RHOJ: variants seen among roughly 807,000 people sequenced by gnomAD.
RHOJ encodes ras homolog family member J, also known as rho-related GTP-binding protein RhoJ.
RHOJ carries 11 observed loss-of-function variants against 23.4 expected under a neutral mutation model. The ratio of observed to expected loss-of-function variants is 0.47; its 90% CI spans 0.30 to 0.78. The LOEUF (loss-of-function observed/expected upper bound fraction) is 0.78, where lower values mean the gene tolerates loss of function less well. Among genes scored for constraint, RHOJ ranks in the 30% least tolerant of loss-of-function variants. RHOJ has a pLI of 0.08. For synonymous variants in RHOJ, 102 were observed against 102.7 expected (o/e 0.99, Z 0.04); for missense variants, 254 against 273.4 (o/e 0.93, Z 0.50).
At chr14:63,287,804 G>A (rs1882127794) in intron 4 of RHOJ, among the ~76,000 whole-genome samples, 1 of 152,114 alleles carries the variant, frequency 6.6e-6, no homozygotes, top group Non-Finnish European at 1.5e-5. Context: ...TCTAAACAAG[G>A]AGGCTTGAAT....
At chr14:63,207,152 C>T (rs550508313) in intron 1 of RHOJ, among the ~76,000 whole-genome samples, 1 of 151,986 alleles carries the variant, frequency 6.6e-6, no homozygotes, top group Non-Finnish European at 1.5e-5. Context: ...CTGCCTCAGC[C>T]TCCTGAGTAG....
chr14:63,204,850 C>T lies in RHOJ; in HGVS notation c.-20C>T. ...GAGAAGCAATAGCAGCAGGAGTCCC[C>T]AGCAGCTGGAGCCGCAAGAATGAAC... On this transcript the variant is annotated 5_prime_UTR_variant, in exon 1 of 5. An upstream open reading frame in the 5' UTR gains an earlier in-frame stop. Coordinates refer to ENST00000316754, the MANE Select transcript of RHOJ (RefSeq NM_020663.5). 1 of 1,602,052 alleles carries T rather than the reference C, an allele frequency of 6.2e-7. No individual in the cohort carries two copies. The highest frequency in any genetic ancestry group is 1.1e-5 in the South Asian group (1 of 89,434).
At chr14:63,215,639 C>T (rs1015041023) in intron 1 of RHOJ, among the ~76,000 whole-genome samples, 4 of 152,146 alleles carry the variant, frequency 2.6e-5, no homozygotes, top group Non-Finnish European at 4.4e-5. Context: ...ACATGTCCAA[C>T]ATCACTCAGC....
At chr14:63,255,754 A>G (rs948743334) in intron 1 of RHOJ, among the ~76,000 whole-genome samples, 1 of 152,184 alleles carries the variant, frequency 6.6e-6, no homozygotes, top group African/African-American at 2.4e-5. Context: ...AGCCTTAAGA[A>G]GAGGCTCTGG....
chr14:63,237,072 C>T (rs1219122787), intron 1 of RHOJ, among the ~76,000 whole-genome samples: 1 of 151,988 alleles, frequency 6.6e-6, no homozygotes, highest in Admixed American at 6.6e-5. Flanking sequence ...ATTTTTGATC[C>T]TTGGTTGGTT....
chr14:63,279,378 G>A (rs1291466197), intron 2 of RHOJ, among the ~76,000 whole-genome samples: 3 of 152,164 alleles, frequency 2.0e-5, no homozygotes, highest in Non-Finnish European at 2.9e-5. Flanking sequence ...GTCATGTTGC[G>A]ATATGTGATG....
intron 1 of RHOJ, among the ~76,000 whole-genome samples, chr14:63,267,781 G>T (rs7141282): frequency 0.094 from 14,334 of 152,200 alleles, 917 homozygotes; most frequent in East Asian, 0.2. Flanking sequence ...GGAGCTGGGT[G>T]TACCATTTTA....
intron 1 of RHOJ, among the ~76,000 whole-genome samples, chr14:63,237,816 T>G (rs192862325): frequency 2.6e-5 from 4 of 151,604 alleles, no homozygotes; most frequent in African/African-American, 9.7e-5. Context: ...TCAGACTATC[T>G]CCATCACACC....
At chr14:63,233,697 A>G (rs1472804784) in intron 1 of RHOJ, among the ~76,000 whole-genome samples, 2 of 152,302 alleles carry the variant, frequency 1.3e-5, no homozygotes, top group South Asian at 4.2e-4. Context: ...TGTCATCTCC[A>G]TTCCTACTGT....
At chr14:63,284,720 C>G (rs1248425508) in intron 4 of RHOJ, among the ~76,000 whole-genome samples, 1 of 152,214 alleles carries the variant, frequency 6.6e-6, no homozygotes, top group African/African-American at 2.4e-5. Flanking sequence ...CCTTTCTACA[C>G]ATTTTTCACA....
chr14:63,283,317 C>A, intron 4 of RHOJ, 101 bp downstream of exon 4: 1 of 949,406 alleles, frequency 1.1e-6, no homozygotes, highest in Non-Finnish European at 1.7e-6. Flanking sequence ...CTTTAAAGTG[C>A]AATGTGTTTA....
rs764962867 is a variant in RHOJ, at chr14:63,269,074, G to A, written c.179-36G>A. ...CTCCTGATTGAAGCTTGTGTTTATG[G>A]ACTCTCCTCTTCTTTTCTTTTCTCT... On this transcript the variant is annotated intron_variant, in intron 1 of 4. Transcript: ENST00000316754. The A allele has an allele frequency of 1.7e-5, 25 of 1,497,734 alleles. No homozygotes were observed. In the East Asian group the frequency reaches 5.2e-4, roughly 31 times the overall value. 92.8% of individuals were successfully genotyped at this position (1,497,734 alleles called of 1,614,324 possible). A position where few individuals can be genotyped will look rare whatever the true frequency, so the allele number is the denominator to read the frequency against.
At chr14:63,242,207 C>T (rs1005579297) in intron 1 of RHOJ, among the ~76,000 whole-genome samples, 2 of 152,126 alleles carry the variant, frequency 1.3e-5, no homozygotes, top group African/African-American at 4.8e-5. Flanking sequence ...ATGAAATGGC[C>T]ACAATTTTTT....
At chr14:63,290,426 T>C (rs1882210109) in intron 4 of RHOJ, among the ~76,000 whole-genome samples, 1 of 152,136 alleles carries the variant, frequency 6.6e-6, no homozygotes, top group Admixed American at 6.5e-5. Flanking sequence ...CCAAAGAAGA[T>C]ACATTTCACT....
intron 1 of RHOJ, among the ~76,000 whole-genome samples, chr14:63,230,906 T>C (rs1247324967): frequency 6.8e-6 from 1 of 146,980 alleles, no homozygotes. Flanking sequence ...AGTGGTGTGA[T>C]CTCAGCTCAC....
At chr14:63,235,805 G>A (rs979100381) in intron 1 of RHOJ, among the ~76,000 whole-genome samples, 1 of 152,162 alleles carries the variant, frequency 6.6e-6, no homozygotes, top group East Asian at 1.9e-4. Flanking sequence ...CTCCAGAACT[G>A]TGTTTAAATC....
rs913661725 is a variant in RHOJ at position 63,257,867 on chromosome 14, G to T, written c.179-11243G>T. ...TGATTTCACATCCCTCCATCCAGGG[G>T]AAGTCTCAACCCCTCATCCACAGGG... On this transcript the variant is annotated intron_variant, in intron 1 of 4. Transcript: ENST00000316754. 4.7e-5 allele frequency among the ~76,000 whole-genome samples: 7 copies of T among 149,442 alleles called. 1 individual carries two copies. The highest frequency in any genetic ancestry group is 1.7e-4 in the African/African-American group (7 of 40,534).
intron 1 of RHOJ, among the ~76,000 whole-genome samples, chr14:63,230,372 A>G (rs1334171791): frequency 6.6e-5 from 10 of 152,030 alleles, no homozygotes; most frequent in Admixed American, 3.9e-4. Flanking sequence ...TTTTCTCCCT[A>G]TAACTATGTT....
rs145528930 is a variant in RHOJ, at chr14:63,210,211, C to T, written c.178+5164C>T. Among the ~76,000 whole-genome samples the T allele has an allele frequency of 6.6e-3, 1,009 of 152,142 alleles. 12 individuals carry two copies. Among genetic ancestry groups the T allele is most frequent in the Non-Finnish European group, 8.3e-3 (565 of 67,984 alleles). On this transcript the variant is annotated intron_variant, in intron 1 of 4. Transcript: ENST00000316754. ...TCTTGACCTCGTGATCTGCCCACCTCAGCCTCCCAAAGTGCTGGGATTACA... is the reference window on the plus strand; with the variant it reads ...TCTTGACCTCGTGATCTGCCCACCTTAGCCTCCCAAAGTGCTGGGATTACA...
Sources: gnomAD v4.1 joint callset for allele counts (sites outside exome capture counted in the v4.1 genomes callset) on GRCh38, gnomAD v4.1.1 for gene constraint, MANE v1.5 for transcripts, NCBI Gene and HGNC (gene_info 2026-07-23, HGNC 2026-07-21) for gene names.